The following RGS22 variants were observed in gnomAD, a reference collection of about 807,000 sequenced individuals.
RGS22 encodes regulator of G protein signaling 22.
In RGS22, 148 loss-of-function variants were observed where a neutral mutation model predicts 172.9. That is an observed-to-expected ratio of 0.86 (90% confidence interval 0.75 to 0.98). RGS22 has a LOEUF of 0.98. Among genes scored for constraint, RGS22 ranks in the 50% least tolerant of loss-of-function variants. The pLI is 0.00. For synonymous variants in RGS22, 458 were observed against 480.2 expected (o/e 0.95, Z 0.60); for missense variants, 1,347 against 1,440.8 (o/e 0.93, Z 1.05).
At position 100,001,650 on chromosome 8, in the gene RGS22, A is replaced by G. The variant is rs1228233365; in HGVS notation, c.2790+552T>C. On this transcript the variant is annotated intron_variant, in intron 18 of 27. Transcript: ENST00000360863. ...AAATGTTCAAACTGTCCTGGTCAAT[A>G]AAAATATTTTCTGGGGAAAATACAA... Among the ~76,000 whole-genome samples, 4 of 152,346 alleles carry G rather than the reference A, an allele frequency of 2.6e-5. No individual in the cohort carries two copies. The East Asian group carries it at 7.7e-4, about 29-fold the overall frequency.
At chr8:100,104,361 TA>T (rs1333114749) in intron 2 of RGS22, among the ~76,000 whole-genome samples, 43 of 132,942 alleles carry the variant, frequency 3.2e-4, no homozygotes, top group African/African-American at 1.4e-3. Context: ...TGTGTGTGTG[TA>T]TTTTTTTTTT....
intron 9 of RGS22, among the ~76,000 whole-genome samples, chr8:100,058,440 G>A (rs1809828985): frequency 6.6e-6 from 1 of 152,032 alleles, no homozygotes; most frequent in Admixed American, 6.6e-5. Context: ...GATAAAGAAA[G>A]GAACCCAAAA....
chr8:100,054,469 T>G (rs1822035610), intron 9 of RGS22: 1 of 154,126 alleles, frequency 6.5e-6, no homozygotes, highest in Non-Finnish European at 1.5e-5. Flanking sequence ...GGCATGTTCC[T>G]GTAAGTCCTA....
chr8:100,066,259 G>A lies in RGS22; in HGVS notation c.632C>T (p.Ala211Val). Residue 211 changes from alanine to valine, a missense_variant, in exon 7 of 28, where the codon GCA becomes GTA. Coordinates refer to ENST00000360863, the MANE Select transcript of RGS22 (RefSeq NM_015668.5). ...TGATACTGTTTGCTGACTTTGTTTT[G>A]CTAATGCAAACCAATCTTTTGTTTG... ...YTQTKDWFAL[A>V]KQSQQTVSTF... 1 of 1,613,324 alleles carries A rather than the reference G, an allele frequency of 6.2e-7. No individual in the cohort carries two copies.
intron 20 of RGS22, among the ~76,000 whole-genome samples, chr8:99,987,845 A>G (rs548244668): frequency 1.2e-4 from 18 of 152,120 alleles, no homozygotes; most frequent in Non-Finnish European, 2.5e-4. Context: ...CCGTATGACT[A>G]CAATGTTTAA....
intron 2 of RGS22, among the ~76,000 whole-genome samples, chr8:100,101,882 A>C (rs1222922235): frequency 2.0e-5 from 3 of 151,846 alleles, no homozygotes; most frequent in Non-Finnish European, 2.9e-5. Context: ...AAAAAAAAAA[A>C]CTACTTAAAT....
At chr8:99,987,898 T>C (rs1813281227) in intron 20 of RGS22, among the ~76,000 whole-genome samples, 2 of 152,068 alleles carry the variant, frequency 1.3e-5, no homozygotes, top group Admixed American at 1.3e-4. Flanking sequence ...GGTGAAAAAC[T>C]ACTTTTTAGT....
rs189391635 is a variant in RGS22 at position 100,044,082 on chromosome 8, T to G, written c.1824-2166A>C. Among the ~76,000 whole-genome samples the G allele has an allele frequency of 7.9e-5, 12 of 152,286 alleles. No homozygotes were observed. The East Asian group carries it at 2.1e-3, about 27-fold the overall frequency. ...AACAAGTAGAGATTAAATCAATAAT[T>G]TGATATCTCCCCACACAAATAAAAG... On this transcript the variant is annotated intron_variant, in intron 11 of 27. Coordinates refer to ENST00000360863, the MANE Select transcript of RGS22 (RefSeq NM_015668.5).
At chr8:99,971,380 A>C (rs1414230169) in intron 23 of RGS22, among the ~76,000 whole-genome samples, 2 of 152,206 alleles carry the variant, frequency 1.3e-5, no homozygotes, top group African/African-American at 4.8e-5. Flanking sequence ...TGGCGAGGGC[A>C]ATCAGGCAAG....
chr8:100,101,443 ATTTTTTTTT>A (rs57644659), intron 2 of RGS22, among the ~76,000 whole-genome samples: 1 of 116,778 alleles, frequency 8.6e-6, no homozygotes, highest in East Asian at 2.5e-4. Flanking sequence ...TGCCCAGCTA[ATTTTTTTTT>A]TTTTTTTTTT....
In RGS22 at chr8:100,041,841, G is replaced by A; in HGVS notation, c.1899C>T (p.Pro633=). 1 of 1,613,074 alleles carries A rather than the reference G, an allele frequency of 6.2e-7. No individual in the cohort carries two copies. The highest frequency in any genetic ancestry group is 8.5e-7 in the Non-Finnish European group (1 of 1,179,314). ...SFTDISECLK[P]QLDRRYAYTE... ...TATAAGCGTATCTTCTATCCAGCTG[G>A]GGCTTGAGACATTCAGAAATGTCAG... The change falls in exon 12 of 28, where the codon CCC becomes CCT. Residue 633 remains proline, a synonymous_variant. Transcript: ENST00000360863.
chr8:100,052,248 T>C (rs1305900820), intron 10 of RGS22, among the ~76,000 whole-genome samples: 1 of 137,442 alleles, frequency 7.3e-6, no homozygotes, highest in Non-Finnish European at 1.5e-5. Context: ...TATATATAAA[T>C]ATATAAATGT....
At chr8:100,024,896 C>T (rs1288552755) in intron 14 of RGS22, among the ~76,000 whole-genome samples, 1 of 151,962 alleles carries the variant, frequency 6.6e-6, no homozygotes, top group East Asian at 1.9e-4. Context: ...GTTATTACCA[C>T]AGAACCTAAC....
intron 22 of RGS22, among the ~76,000 whole-genome samples, chr8:99,979,741 ATCAT>A (rs1190434013): frequency 3.3e-5 from 5 of 152,208 alleles, no homozygotes; most frequent in Non-Finnish European, 7.3e-5. Context: ...TTCTTCTCAC[ATCAT>A]TCATTTATGT....
chr8:100,086,807 C>G (rs949817938), intron 3 of RGS22, among the ~76,000 whole-genome samples: 1 of 152,062 alleles, frequency 6.6e-6, no homozygotes. Context: ...TTTAACAAGC[C>G]CTCTGATCAT....
chr8:100,048,810 T>C (rs1586117355), intron 10 of RGS22, among the ~76,000 whole-genome samples: 1 of 151,928 alleles, frequency 6.6e-6, no homozygotes, highest in East Asian at 1.9e-4. Context: ...GAAAGTAGGG[T>C]GGTAGTTACC....
At chr8:99,961,388 G>T (rs111247217) in intron 27 of RGS22, among the ~76,000 whole-genome samples, 192 bp from the exon 28 acceptor site, 12,284 of 152,288 alleles carry the variant, frequency 0.081, 748 homozygotes, top group African/African-American at 0.16. Context: ...GGCAACTGAA[G>T]CATGGGGGTG....
At chr8:99,985,139 T>C (rs1812945148) in intron 21 of RGS22, among the ~76,000 whole-genome samples, 1 of 152,200 alleles carries the variant, frequency 6.6e-6, no homozygotes, top group Admixed American at 6.5e-5. Flanking sequence ...ATGACCTGAT[T>C]CAAAGTCTAG....
chr8:100,043,547 A>G (rs1219329358), intron 11 of RGS22, among the ~76,000 whole-genome samples: 1 of 152,108 alleles, frequency 6.6e-6, no homozygotes, highest in Non-Finnish European at 1.5e-5. Flanking sequence ...AGGCTGAGGT[A>G]GGTGGATCAC....
Sources: gnomAD v4.1 joint callset for allele counts (sites outside exome capture counted in the v4.1 genomes callset) on GRCh38, gnomAD v4.1.1 for gene constraint, MANE v1.5 for transcripts, NCBI Gene and HGNC (gene_info 2026-07-23, HGNC 2026-07-21) for gene names.